The following SH3BP5L variants were observed in gnomAD, a reference collection of about 807,000 sequenced individuals.
SH3BP5L encodes SH3 domain-binding protein 5-like.
Under a neutral mutation model 40.9 loss-of-function variants are expected in SH3BP5L, and 16 were observed. The ratio of observed to expected loss-of-function variants is 0.39; its 90% CI spans 0.27 to 0.59. The LOEUF is 0.59. SH3BP5L is among the 20% of genes least tolerant of loss of function. The pLI, the probability that SH3BP5L is intolerant of heterozygous loss-of-function variation, is 0.53. For synonymous variants in SH3BP5L, 229 were observed against 226.7 expected (o/e 1.01, Z -0.09); for missense variants, 471 against 544.6 (o/e 0.86, Z 1.35).
At chr1:248,823,699 C>T (rs1664308625) in intron 2 of SH3BP5L, among the ~76,000 whole-genome samples, 2 of 152,326 alleles carry the variant, frequency 1.3e-5, no homozygotes, top group South Asian at 4.1e-4. Flanking sequence ...GGAAGAATGC[C>T]AGGACTGGCT....
chr1:248,820,652 A>G (rs1664234822), intron 2 of SH3BP5L: 1 of 152,240 alleles, frequency 6.6e-6, no homozygotes, highest in African/African-American at 2.4e-5. Flanking sequence ...CACCACTGGA[A>G]GGACATCTCA....
rs1664367854 is a variant in SH3BP5L, at chr1:248,825,871, GCAAA to G, written c.-472_-469del. On this transcript the variant is annotated 5_prime_UTR_variant, in exon 1 of 7. Transcript: ENST00000366472. ...TTCCCGTCCGCGGAGCTTCTATGCTGCAAACAATCTCCCCCCCTCCCTCCCCGCA... is the reference window on the plus strand; with the variant it reads ...TTCCCGTCCGCGGAGCTTCTATGCTGCAATCTCCCCCCCTCCCTCCCCGCA... The G allele has an allele frequency of 2.1e-6, 2 of 969,900 alleles. No homozygotes were observed. Among genetic ancestry groups the G allele is most frequent in the Non-Finnish European group, 1.2e-6 (1 of 827,432 alleles). 60.1% of individuals were successfully genotyped at this position (969,900 alleles called of 1,614,324 possible). A position where few individuals can be genotyped will look rare whatever the true frequency, so the allele number is the denominator to read the frequency against.
Position 248,813,093 on chromosome 1 carries a change from G to T in SH3BP5L, c.607C>A (p.Gln203Lys). The T allele has an allele frequency of 6.2e-7, 1 of 1,611,758 alleles. No individual in the cohort carries two copies. Among genetic ancestry groups the T allele is most frequent in the African/African-American group, 1.3e-5 (1 of 74,996 alleles). ...AGGGCTTGGACCCGAGCCTCAGCCT[G>T]TTGGCACAGCCGAGTCACTCGCTGG... ...EHQRVTRLCQQAEARVQALQK... is the reference protein window; with the variant it reads ...EHQRVTRLCQKAEARVQALQK... The change falls in exon 6 of 7, where the codon CAG becomes AAG. Residue 203 changes from glutamine to lysine, a missense_variant. Transcript: ENST00000366472.
chr1:248,816,703 C>A (rs1237518020), intron 3 of SH3BP5L, 41 bp from the exon 4 acceptor site: 2 of 1,613,636 alleles, frequency 1.2e-6, no homozygotes, highest in Non-Finnish European at 1.7e-6. Context: ...ATGTTTGGGT[C>A]CCAGCCCCTC....
Position 248,814,503 on chromosome 1 carries a change from G to A in SH3BP5L, c.483C>T (p.Asp161=), listed in dbSNP as rs1216681739. 2 of 1,614,236 alleles carry A rather than the reference G, an allele frequency of 1.2e-6. No homozygotes were observed. The highest frequency in any genetic ancestry group is 1.7e-5 in the Admixed American group (1 of 60,030). Residue 161 remains aspartate, a synonymous_variant, in exon 5 of 7, where the codon GAC becomes GAT. Coordinates refer to ENST00000366472, the MANE Select transcript of SH3BP5L (RefSeq NM_030645.3). ...VFVAEQGVMA[D]KNRLDPTWQE... is the part of the protein sequence containing the mutation. ...GCCACGTGGGGTCCAGTCGGTTCTT[G>A]TCAGCCATGACGCCCTGCTCAGCCA...
intron 4 of SH3BP5L, among the ~76,000 whole-genome samples, chr1:248,815,697 C>T (rs186246163): frequency 6.6e-6 from 1 of 152,324 alleles, no homozygotes; most frequent in East Asian, 1.9e-4. Context: ...CATCCCAGGG[C>T]CAGGTACTAG....
intron 2 of SH3BP5L, chr1:248,820,661 C>T (rs775480119): frequency 6.6e-5 from 10 of 152,206 alleles, no homozygotes; most frequent in Non-Finnish European, 1.3e-4. Context: ...AAGGACATCT[C>T]AGTAAAGAAA....
chr1:248,815,374 T>C (rs1057453377), intron 4 of SH3BP5L, among the ~76,000 whole-genome samples: 8 of 152,140 alleles, frequency 5.3e-5, no homozygotes, highest in African/African-American at 1.9e-4. Flanking sequence ...AAGAACAAAA[T>C]AGCACATACT....
intron 2 of SH3BP5L, 59 bp downstream of exon 2, chr1:248,824,694 A>T: frequency 6.3e-7 from 1 of 1,582,520 alleles, no homozygotes; most frequent in Non-Finnish European, 8.6e-7. Flanking sequence ...TTCATCCAAC[A>T]CTCTTCAGGG....
At chr1:248,825,744 G>C in intron 1 of SH3BP5L, 91 bp downstream of exon 1, 1 of 388,318 alleles carries the variant, frequency 2.6e-6, no homozygotes, top group Non-Finnish European at 3.5e-6. Context: ...TAAGCCTCCC[G>C]TCTCCAATTC....
chr1:248,825,679 A>T, intron 1 of SH3BP5L, 156 bp downstream of exon 1: 1 of 187,690 alleles, frequency 5.3e-6, no homozygotes, highest in Non-Finnish European at 9.9e-6. Context: ...CGGCTTTGCG[A>T]TTCACCTTGT....
At chr1:248,816,347 C>A in intron 4 of SH3BP5L, 187 bp downstream of exon 4, 2 of 616,476 alleles carry the variant, frequency 3.2e-6, no homozygotes, top group South Asian at 2.0e-5. Flanking sequence ...TTTTATAGAC[C>A]ATAAGCCCAG....
chr1:248,812,950 C>T lies in SH3BP5L; in HGVS notation c.711+39G>A. ...CAGCATCCCCTCCAGCCTGCACCCC[C>T]ACCTACCCATTCCTCCTCCCCCTCA... On this transcript the variant is annotated intron_variant, in intron 6 of 6. Coordinates refer to ENST00000366472, the MANE Select transcript of SH3BP5L (RefSeq NM_030645.3). The surrounding 1 kb of genome is among the most constrained non-coding windows in gnomAD (Gnocchi z 6.1). 6 of 1,532,718 alleles carry T rather than the reference C, an allele frequency of 3.9e-6. No homozygotes were observed. The highest frequency in any genetic ancestry group is 5.3e-6 in the Non-Finnish European group (6 of 1,130,562). The allele number at this position is 1,532,718 out of a possible 1,614,324, so 94.9% of individuals were successfully genotyped here. A position where few individuals can be genotyped will look rare whatever the true frequency, so the allele number is the denominator to read the frequency against.
chr1:248,816,631 T>C lies in SH3BP5L; in HGVS notation c.278A>G (p.Gln93Arg). 2 of 1,614,094 alleles carry C rather than the reference T, an allele frequency of 1.2e-6. No individual in the cohort carries two copies. Among genetic ancestry groups the C allele is most frequent in the Non-Finnish European group, 1.7e-6 (2 of 1,180,016 alleles). ...EARTTYRRIL[Q>R]ESARKLNTQG... Reference sequence around the variant, plus strand: ...TGTATTCAGTTTCCTCGCCGACTCCTGTAGGATCCTCCGATAGGTGGTCCT... The same window carrying C: ...TGTATTCAGTTTCCTCGCCGACTCCCGTAGGATCCTCCGATAGGTGGTCCT... The change falls in exon 4 of 7, where the codon CAG becomes CGG. Residue 93 changes from glutamine to arginine, a missense_variant. Coordinates refer to ENST00000366472, the MANE Select transcript of SH3BP5L (RefSeq NM_030645.3).
chr1:248,822,389 G>A (rs565064571), intron 2 of SH3BP5L, among the ~76,000 whole-genome samples: 24 of 152,272 alleles, frequency 1.6e-4, no homozygotes, highest in African/African-American at 2.6e-4. Flanking sequence ...GAGCACTGGC[G>A]TACCCACACC....
In SH3BP5L at chr1:248,811,802, T is replaced by C. The variant is rs1663935319; in HGVS notation, c.*98A>G. On this transcript the variant is annotated 3_prime_UTR_variant, in exon 7 of 7. Coordinates refer to ENST00000366472, the MANE Select transcript of SH3BP5L (RefSeq NM_030645.3). ...CAGGGAAGCACTGGAGAAGGGGACC[T>C]TCGGGAAGACGAGGCCCCAGAGGAG... 1.1e-6 allele frequency: 1 copy of C among 936,738 alleles called. No individual in the cohort carries two copies. Among genetic ancestry groups the C allele is most frequent in the Admixed American group, 2.9e-5 (1 of 34,354 alleles). 58.0% of individuals were successfully genotyped at this position (936,738 alleles called of 1,614,324 possible). A position where few individuals can be genotyped will look rare whatever the true frequency, so the allele number is the denominator to read the frequency against.
At chr1:248,815,047 C>G (rs376904840) in intron 4 of SH3BP5L, among the ~76,000 whole-genome samples, 61 of 152,176 alleles carry the variant, frequency 4.0e-4, no homozygotes, top group African/African-American at 1.4e-3. Flanking sequence ...CCATACCAAC[C>G]AAGCAAAAAA....
chr1:248,825,464 C>T, intron 1 of SH3BP5L, 98 bp from the exon 2 acceptor site: 1 of 831,294 alleles, frequency 1.2e-6, no homozygotes, highest in African/African-American at 1.8e-5. Flanking sequence ...ACTACACTCT[C>T]ACCACGCCCC....
chr1:248,822,646 T>C (rs1460124801), intron 2 of SH3BP5L, among the ~76,000 whole-genome samples: 1 of 151,810 alleles, frequency 6.6e-6, no homozygotes, highest in Non-Finnish European at 1.5e-5. Context: ...GCACTGTCAG[T>C]ATAACATTGA....
Sources: allele counts gnomAD v4.1 joint callset (sites outside exome capture counted in the v4.1 genomes callset), GRCh38; gene constraint gnomAD v4.1.1; non-coding constraint Gnocchi (gnomAD v3.1); transcripts MANE v1.5; gene names NCBI Gene and HGNC (gene_info 2026-07-23, HGNC 2026-07-21).